Variants in NMNAT2 observed in about 807,000 individuals in gnomAD.
NMNAT2 encodes the protein nicotinamide/nicotinic acid mononucleotide adenylyltransferase 2.
NMNAT2 carries 11 observed loss-of-function variants against 41.6 expected under a neutral mutation model. That is an observed-to-expected ratio of 0.26 (90% CI 0.17 to 0.44). The LOEUF (loss-of-function observed/expected upper bound fraction) is 0.44. Among genes scored for constraint, NMNAT2 ranks in the 20% least tolerant of loss-of-function variants. The pLI, the probability that NMNAT2 is intolerant of heterozygous loss-of-function variation, is 1.00. For missense variants in NMNAT2, 288 were observed against 407.7 expected (o/e 0.71, Z 2.53); for synonymous variants, 148 against 151.2 (o/e 0.98, Z 0.16).
At chr1:183,335,295 C>T (rs1016650421) in intron 1 of NMNAT2, among the ~76,000 whole-genome samples, 8 of 152,198 alleles carry the variant, frequency 5.3e-5, no homozygotes, top group Non-Finnish European at 1.2e-4. Context: ...ACAACATGGT[C>T]TCTTTCTACT....
At chr1:183,314,540 G>T (rs1276631025) in intron 1 of NMNAT2, among the ~76,000 whole-genome samples, 1 of 152,216 alleles carries the variant, frequency 6.6e-6, no homozygotes, top group Non-Finnish European at 1.5e-5. Flanking sequence ...GTTACTGTTT[G>T]TTGGGTTAAA....
intron 1 of NMNAT2, among the ~76,000 whole-genome samples, chr1:183,393,681 G>A (rs528799191): frequency 9.9e-5 from 15 of 152,160 alleles, no homozygotes; most frequent in Admixed American, 3.3e-4. Flanking sequence ...TCAGCCTCCC[G>A]AGTAGCTGGG....
At chr1:183,364,852 C>T (rs144110596) in intron 1 of NMNAT2, among the ~76,000 whole-genome samples, 3 of 152,088 alleles carry the variant, frequency 2.0e-5, no homozygotes, top group Non-Finnish European at 2.9e-5. Flanking sequence ...CCACCACATC[C>T]GGCTAATTTT....
At chr1:183,273,119 G>A (rs571235028) in intron 8 of NMNAT2, among the ~76,000 whole-genome samples, 2 of 152,356 alleles carry the variant, frequency 1.3e-5, no homozygotes, top group South Asian at 4.1e-4. Flanking sequence ...TTCGAACTGT[G>A]TTCAAATAAG....
intron 1 of NMNAT2, among the ~76,000 whole-genome samples, chr1:183,338,149 T>TAAAAAAAAAAAAAAAAA (rs59064477): frequency 1.0e-5 from 1 of 96,412 alleles, no homozygotes; most frequent in Non-Finnish European, 1.9e-5. Context: ...CCCATCTCTT[T>TAAAAAAAAAAAAAAAAA]AAAAAAAAAA....
intron 3 of NMNAT2, among the ~76,000 whole-genome samples, chr1:183,290,474 C>T (rs1557868106): frequency 6.6e-6 from 1 of 152,202 alleles, no homozygotes; most frequent in Non-Finnish European, 1.5e-5. Context: ...CTCTTTGCAA[C>T]TGTGTGGCTT....
In NMNAT2 at chr1:183,304,595, T is replaced by G. The variant is rs946080647; in HGVS notation, c.86-10802A>C. On this transcript the variant is annotated intron_variant, in intron 1 of 10. Transcript: ENST00000287713. Reference sequence around the variant, plus strand: ...AGAAGCTCCGCTGGAGACAGAATCCTGTTTTCTTGACCATCTGCACCTCCC... The same window carrying G: ...AGAAGCTCCGCTGGAGACAGAATCCGGTTTTCTTGACCATCTGCACCTCCC... The G allele has an allele frequency of 2.1e-5, 29 of 1,367,258 alleles. No homozygotes were observed. In the African/African-American group the frequency reaches 4.0e-4, roughly 19 times the overall value. 84.7% of individuals were successfully genotyped at this position (1,367,258 alleles called of 1,614,324 possible).
intron 8 of NMNAT2, among the ~76,000 whole-genome samples, chr1:183,268,678 G>C (rs1310419789): frequency 1.3e-5 from 2 of 152,198 alleles, no homozygotes; most frequent in African/African-American, 4.8e-5. Flanking sequence ...AATAAGACAG[G>C]CAAGTTTCCT....
At chr1:183,374,739 C>A (rs556597937) in intron 1 of NMNAT2, among the ~76,000 whole-genome samples, 3 of 152,210 alleles carry the variant, frequency 2.0e-5, no homozygotes, top group African/African-American at 7.2e-5. Flanking sequence ...CATCAGATGG[C>A]TTTCCATCTT....
At chr1:183,269,066 T>C (rs1660913924) in intron 8 of NMNAT2, among the ~76,000 whole-genome samples, 1 of 152,062 alleles carries the variant, frequency 6.6e-6, no homozygotes, top group Admixed American at 6.6e-5. Context: ...TGTGACCCTG[T>C]CTCTGAAAAA....
chr1:183,379,709 C>G (rs1663761402), intron 1 of NMNAT2, among the ~76,000 whole-genome samples: 1 of 152,142 alleles, frequency 6.6e-6, no homozygotes, highest in South Asian at 2.1e-4. Context: ...CACCTAACAA[C>G]AGAGCTTCAA....
intron 1 of NMNAT2, among the ~76,000 whole-genome samples, chr1:183,396,022 G>A (rs942448717): frequency 6.6e-6 from 1 of 152,098 alleles, no homozygotes; most frequent in African/African-American, 2.4e-5. Flanking sequence ...CTCTGGCTTT[G>A]TCCATGGGTC....
At chr1:183,264,597 C>A (rs1660755890) in intron 8 of NMNAT2, among the ~76,000 whole-genome samples, 1 of 152,184 alleles carries the variant, frequency 6.6e-6, no homozygotes, top group South Asian at 2.1e-4. Context: ...GGGAGAAAAT[C>A]TGGGTCCCTT....
chr1:183,260,733 T>G (rs146274637), intron 10 of NMNAT2, among the ~76,000 whole-genome samples: 1,735 of 150,438 alleles, frequency 0.012, 42 homozygotes, highest in African/African-American at 0.04. Context: ...GTAGGAGAAT[T>G]GCTTGAACCC....
intron 1 of NMNAT2, among the ~76,000 whole-genome samples, chr1:183,400,351 T>C (rs1648774365): frequency 6.6e-6 from 1 of 152,080 alleles, no homozygotes; most frequent in Non-Finnish European, 1.5e-5. Context: ...GAATCCAACT[T>C]ACAAGGGACG....
chr1:183,281,709 C>T (rs1661274754), intron 7 of NMNAT2, among the ~76,000 whole-genome samples: 1 of 152,200 alleles, frequency 6.6e-6, no homozygotes, highest in Admixed American at 6.5e-5. Context: ...AAGTTTCCAG[C>T]CCAACAGCCT....
Position 183,252,552 on chromosome 1 carries a change from C to T in NMNAT2, c.*89G>A, listed in dbSNP as rs202240119. Reference sequence around the variant, plus strand: ...CAGCAAGTAGGGAAAACAGTCAAGACGAGGAGATGGAGAAACAGAGAGGCA... The same window carrying T: ...CAGCAAGTAGGGAAAACAGTCAAGATGAGGAGATGGAGAAACAGAGAGGCA... On this transcript the variant is annotated 3_prime_UTR_variant, in exon 11 of 11. Coordinates refer to ENST00000287713, the MANE Select transcript of NMNAT2 (RefSeq NM_015039.4). 12 of 953,934 alleles carry T rather than the reference C, an allele frequency of 1.3e-5. No homozygotes were observed. The South Asian group carries it at 1.5e-4, about 12-fold the overall frequency. The allele number at this position is 953,934 out of a possible 1,614,324, so 59.1% of individuals were successfully genotyped here. A position where few individuals can be genotyped will look rare whatever the true frequency, so the allele number is the denominator to read the frequency against.
intron 8 of NMNAT2, among the ~76,000 whole-genome samples, chr1:183,273,683 C>T (rs1429482912): frequency 1.3e-5 from 2 of 152,284 alleles, no homozygotes; most frequent in African/African-American, 4.8e-5. Flanking sequence ...TAATTTTGTG[C>T]TGCCTACACC....
At chr1:183,264,746 C>T (rs1660760586) in intron 8 of NMNAT2, among the ~76,000 whole-genome samples, 1 of 152,096 alleles carries the variant, frequency 6.6e-6, no homozygotes, top group South Asian at 2.1e-4. Flanking sequence ...GATGTGCCCT[C>T]AGTCCAACGA....
Sources: gnomAD v4.1 joint callset for allele counts (sites outside exome capture counted in the v4.1 genomes callset) on GRCh38, gnomAD v4.1.1 for gene constraint, MANE v1.5 for transcripts, NCBI Gene and HGNC (gene_info 2026-07-23, HGNC 2026-07-21) for gene names.